CAGE1: variants seen among roughly 807,000 people sequenced by gnomAD.
CAGE1 encodes the protein cancer antigen 1.
CAGE1 carries 66 observed loss-of-function variants against 94.9 expected under a neutral mutation model. The ratio of observed to expected loss-of-function variants is 0.70; its 90% CI spans 0.57 to 0.85. The LOEUF (loss-of-function observed/expected upper bound fraction) is 0.85, where lower values mean the gene tolerates loss of function less well. Among genes scored for constraint, CAGE1 ranks in the 40% least tolerant of loss-of-function variants. The pLI is 0.00. For synonymous variants in CAGE1, 319 were observed against 321.0 expected (o/e 0.99, Z 0.07); for missense variants, 865 against 950.4 (o/e 0.91, Z 1.18).
intron 12 of CAGE1, among the ~76,000 whole-genome samples, chr6:7,333,133 T>G (rs1758814036): frequency 6.6e-6 from 1 of 152,038 alleles, no homozygotes; most frequent in African/African-American, 2.4e-5. Context: ...GTATTTTTAG[T>G]AGAGACAGGG....
chr6:7,346,141 T>C (rs2113385167), intron 11 of CAGE1, among the ~76,000 whole-genome samples: 2 of 152,328 alleles, frequency 1.3e-5, no homozygotes, highest in Middle Eastern at 3.4e-3. Context: ...GGCTACTCCG[T>C]AGGCAAAACA....
At chr6:7,385,194 G>A (rs1392952110) in intron 3 of CAGE1, among the ~76,000 whole-genome samples, 1 of 151,924 alleles carries the variant, frequency 6.6e-6, no homozygotes, top group Non-Finnish European at 1.5e-5. Context: ...TACTGGAGAC[G>A]GGGTTTCTCC....
At chr6:7,345,061 T>C (rs7738907) in intron 11 of CAGE1, among the ~76,000 whole-genome samples, 61,595 of 151,900 alleles carry the variant, frequency 0.41, 12,654 homozygotes, top group Middle Eastern at 0.49. Flanking sequence ...AGATGGCTGG[T>C]GTTGAAAGCT....
intron 10 of CAGE1, among the ~76,000 whole-genome samples, 174 bp from the exon 11 acceptor site, chr6:7,355,285 C>T (rs2764075): frequency 0.44 from 67,316 of 151,964 alleles, 15,492 homozygotes; most frequent in African/African-American, 0.57. Context: ...AATGATAACA[C>T]GCCCATTAAT....
intron 7 of CAGE1, 137 bp downstream of exon 7, chr6:7,368,551 G>A: frequency 2.0e-6 from 1 of 505,980 alleles, no homozygotes; most frequent in Non-Finnish European, 3.5e-6. Context: ...CTTTAGTGAG[G>A]GGCACAGTAA....
rs1758556410 is a variant in CAGE1, at chr6:7,326,799, GTAA to G, written c.*56_*58del. ...TGGATTGATTTGGCTAGCATATGTA[GTAA>G]TGACTCTTCCTGGAGTGGTTGACAA... On this transcript the variant is annotated 3_prime_UTR_variant, in exon 14 of 14. Transcript: ENST00000502583. 3.4e-6 allele frequency: 4 copies of G among 1,182,338 alleles called. No homozygotes were observed. In the South Asian group the frequency reaches 4.9e-5, roughly 14 times the overall value. The allele number at this position is 1,182,338 out of a possible 1,614,324, so 73.2% of individuals were successfully genotyped here. A position where few individuals can be genotyped will look rare whatever the true frequency, so the allele number is the denominator to read the frequency against.
intron 11 of CAGE1, among the ~76,000 whole-genome samples, chr6:7,354,488 A>G (rs1201722756): frequency 6.6e-6 from 1 of 152,198 alleles, no homozygotes; most frequent in Non-Finnish European, 1.5e-5. Context: ...TCTCTATAAA[A>G]TTAGACCTTT....
At chr6:7,358,025 G>GAGATATAGAT (rs1377236818) in intron 9 of CAGE1, among the ~76,000 whole-genome samples, 3 of 20,300 alleles carry the variant, frequency 1.5e-4, no homozygotes, top group African/African-American at 4.8e-4. Context: ...GGTAAGTTTT[G>GAGATATAGAT]AGATATATAT....
chr6:7,339,068 G>A lies in CAGE1; in HGVS notation c.2370-4978C>T, dbSNP rs1483963616. On this transcript the variant is annotated intron_variant, in intron 11 of 13. Transcript: ENST00000502583. This position sits in a 1 kb window ranked among gnomAD's most constrained non-coding sequence, Gnocchi z 4.7. ...ACACATGGCGCACAGCAGTGTCAAC[G>A]TAGTAGTTAACAGGGTCTCTGCTGT... 7 of 1,601,982 alleles carry A rather than the reference G, an allele frequency of 4.4e-6. No individual in the cohort carries two copies. Among genetic ancestry groups the A allele is most frequent in the East Asian group, 4.5e-5 (2 of 44,828 alleles).
chr6:7,333,640 ATC>A (rs1354244854), intron 12 of CAGE1, among the ~76,000 whole-genome samples: 1,156 of 64,020 alleles, frequency 0.018, 6 homozygotes, highest in African/African-American at 0.056. Flanking sequence ...CTATCTAACT[ATC>A]TATATATATA....
intron 4 of CAGE1, 88 bp from the exon 5 acceptor site, chr6:7,374,219 A>T: frequency 3.8e-6 from 4 of 1,043,526 alleles, no homozygotes; most frequent in Non-Finnish European, 5.6e-6. Context: ...GAATTCTATT[A>T]GTAGATCCCC....
At chr6:7,345,794 A>G (rs1293350640) in intron 11 of CAGE1, among the ~76,000 whole-genome samples, 3 of 152,176 alleles carry the variant, frequency 2.0e-5, no homozygotes, top group South Asian at 2.1e-4. Flanking sequence ...GCGTCGTGGC[A>G]GGCCCCCATA....
chr6:7,330,250 T>TCTTACA (rs1269878932), intron 12 of CAGE1, among the ~76,000 whole-genome samples: 1 of 152,134 alleles, frequency 6.6e-6, no homozygotes, highest in East Asian at 1.9e-4. Context: ...TACCTGGGCA[T>TCTTACA]GGTGGCACGC....
intron 11 of CAGE1, among the ~76,000 whole-genome samples, chr6:7,344,177 C>T (rs575926042): frequency 2.0e-5 from 3 of 152,312 alleles, no homozygotes; most frequent in African/African-American, 4.8e-5. Flanking sequence ...GGGCTGGCCA[C>T]GGCCAGAGCT....
intron 11 of CAGE1, among the ~76,000 whole-genome samples, chr6:7,344,596 G>A (rs886776022): frequency 6.6e-6 from 1 of 152,094 alleles, no homozygotes; most frequent in East Asian, 1.9e-4. Context: ...GGGCTGAGGA[G>A]TGCGGGCGTA....
At chr6:7,343,067 T>C (rs1759246976) in intron 11 of CAGE1, among the ~76,000 whole-genome samples, 1 of 151,804 alleles carries the variant, frequency 6.6e-6, no homozygotes. Context: ...TGGGTGCCTG[T>C]AATCCCAGCT....
At chr6:7,354,903 T>C (rs1759897757) in intron 11 of CAGE1, 138 bp downstream of exon 11, 1 of 602,320 alleles carries the variant, frequency 1.7e-6, no homozygotes, top group Non-Finnish European at 2.9e-6. Flanking sequence ...TCTATACCTA[T>C]ATTAATAAAG....
chr6:7,371,732 AGAG>A (rs1175004590), intron 5 of CAGE1, among the ~76,000 whole-genome samples: 3 of 152,182 alleles, frequency 2.0e-5, no homozygotes, highest in African/African-American at 4.8e-5. Flanking sequence ...GGTTGCAGTG[AGAG>A]GAGATCACAC....
intron 3 of CAGE1, among the ~76,000 whole-genome samples, chr6:7,381,125 A>G (rs1043866496): frequency 1.1e-4 from 17 of 152,316 alleles, no homozygotes; most frequent in African/African-American, 3.1e-4. Flanking sequence ...TATGGGCTCA[A>G]TTGTGTGCCC....
Sources: allele counts gnomAD v4.1 joint callset (sites outside exome capture counted in the v4.1 genomes callset), GRCh38; gene constraint gnomAD v4.1.1; non-coding constraint Gnocchi (gnomAD v3.1); transcripts MANE v1.5; gene names NCBI Gene and HGNC (gene_info 2026-07-23, HGNC 2026-07-21).